The following ESR1 variants were observed in gnomAD, a reference collection of about 807,000 sequenced individuals.
ESR1 encodes the protein estrogen receptor.
ESR1 carries 12 observed loss-of-function variants against 52.7 expected under a neutral mutation model. The observed-to-expected ratio is 0.23, with a 90% confidence interval of 0.15 to 0.37. The LOEUF (loss-of-function observed/expected upper bound fraction) is 0.37. Ranked by LOEUF, ESR1 falls within the 10% of genes least tolerant of loss-of-function variation. ESR1 has a pLI of 1.00. For synonymous variants in ESR1, 305 were observed against 316.8 expected, an observed-to-expected ratio of 0.96 and a Z score of 0.39; for missense variants, 584 against 779.7, an observed-to-expected ratio of 0.75 and a Z score of 2.99.
At chr6:151,851,530 G>GT (rs11386586) in intron 2 of ESR1, among the ~76,000 whole-genome samples, 126,264 of 142,406 alleles carry the variant, frequency 0.89, 56,687 homozygotes, top group Middle Eastern at 0.97. Flanking sequence ...TGATGAAGGA[G>GT]TTTTTTTTTT....
At chr6:151,705,119 A>G (rs182063174) in intron 2 of ESR1, among the ~76,000 whole-genome samples, 31 of 152,224 alleles carry the variant, frequency 2.0e-4, no homozygotes, top group Admixed American at 1.2e-3. Context: ...TCATCATAAG[A>G]GCACATTTTT....
At chr6:151,994,854 G>A (rs962202052) in intron 4 of ESR1, among the ~76,000 whole-genome samples, 10 of 152,124 alleles carry the variant, frequency 6.6e-5, no homozygotes, top group African/African-American at 2.4e-4. Context: ...TGTGCTTAGG[G>A]TATTTTCATT....
chr6:151,758,772 A>AAAT (rs1290677564), intron 2 of ESR1, among the ~76,000 whole-genome samples: 1 of 151,224 alleles, frequency 6.6e-6, no homozygotes, highest in African/African-American at 2.4e-5. Context: ...AAAAAAAAAA[A>AAAT]AAAAAGAAGA....
At chr6:151,753,551 CA>C (rs980100724) in intron 2 of ESR1, among the ~76,000 whole-genome samples, 1 of 152,090 alleles carries the variant, frequency 6.6e-6, no homozygotes, top group African/African-American at 2.4e-5. Flanking sequence ...CTCCTGGCCT[CA>C]AGTGATCCAC....
At chr6:151,968,542 C>T (rs1235760868) in intron 4 of ESR1, among the ~76,000 whole-genome samples, 1 of 152,084 alleles carries the variant, frequency 6.6e-6, no homozygotes, top group African/African-American at 2.4e-5. Flanking sequence ...TGGCTAATAT[C>T]CAGAATGATC....
At chr6:152,025,417 G>A (rs910877930) in intron 5 of ESR1, among the ~76,000 whole-genome samples, 1 of 151,838 alleles carries the variant, frequency 6.6e-6, no homozygotes, top group African/African-American at 2.4e-5. Context: ...TATTTCTTCT[G>A]TAGTAATTGG....
intron 2 of ESR1, among the ~76,000 whole-genome samples, chr6:151,845,295 G>C (rs1763662331): frequency 6.6e-6 from 1 of 152,164 alleles, no homozygotes; most frequent in Non-Finnish European, 1.5e-5. Flanking sequence ...ATCTCAGCTG[G>C]CGTGGTGGCT....
At chr6:152,012,683 G>A (rs2042876043) in intron 5 of ESR1, among the ~76,000 whole-genome samples, 1 of 152,194 alleles carries the variant, frequency 6.6e-6, no homozygotes, top group Admixed American at 6.5e-5. Flanking sequence ...CTCATGTTCA[G>A]TGATGCCTCC....
intron 6 of ESR1, among the ~76,000 whole-genome samples, chr6:152,110,681 A>C (rs1326278009): frequency 6.6e-6 from 1 of 152,228 alleles, no homozygotes; most frequent in African/African-American, 2.4e-5. Context: ...ACCCAAAATA[A>C]AAGTTTTTTT....
chr6:151,748,399 G>T (rs1285340315), intron 2 of ESR1, among the ~76,000 whole-genome samples: 2 of 152,112 alleles, frequency 1.3e-5, no homozygotes, highest in Non-Finnish European at 2.9e-5. Flanking sequence ...AAGAGCAATT[G>T]CTATAGAACA....
intron 6 of ESR1, among the ~76,000 whole-genome samples, chr6:152,110,003 G>T (rs768431775): frequency 1.1e-4 from 17 of 152,102 alleles, no homozygotes; most frequent in African/African-American, 3.1e-4. Flanking sequence ...CAAAAGCTAC[G>T]TACCAGTTTT....
At chr6:152,051,833 T>A (rs976550110) in intron 5 of ESR1, among the ~76,000 whole-genome samples, 1 of 152,320 alleles carries the variant, frequency 6.6e-6, no homozygotes, top group Non-Finnish European at 1.5e-5. Context: ...TTAAATTTTA[T>A]GTTTTAAAAA....
intron 2 of ESR1, among the ~76,000 whole-genome samples, chr6:151,779,945 G>A (rs1328880184): frequency 6.7e-6 from 1 of 149,460 alleles, no homozygotes; most frequent in African/African-American, 2.5e-5. Flanking sequence ...TATACACCAT[G>A]GAATACTATG....
intron 2 of ESR1, among the ~76,000 whole-genome samples, chr6:151,720,903 A>T (rs534834233): frequency 6.6e-6 from 1 of 152,326 alleles, no homozygotes; most frequent in East Asian, 1.9e-4. Context: ...GTTACTTTAT[A>T]AAGGTAATTA....
At position 151,731,957 on chromosome 6, in the gene ESR1, C is replaced by T. The variant is rs78329433; in HGVS notation, c.-71+29952C>T. Among the ~76,000 whole-genome samples, 1,028 of 152,168 alleles carry T rather than the reference C, an allele frequency of 6.8e-3. 10 individuals carry two copies. Among genetic ancestry groups the T allele is most frequent in the African/African-American group, 0.023 (969 of 41,514 alleles). The stretch of plus-strand genomic sequence containing the variant: ...CCACTGTGAAGTAGAAGACAAGAAA[C>T]AGAGCAGGACGTGGAATTGGGAGCA... On this transcript the variant is annotated intron_variant, in intron 2 of 2. Transcript: ENST00000404742.
At chr6:151,958,995 CGT>C (rs2037340711) in intron 4 of ESR1, among the ~76,000 whole-genome samples, 1 of 104,834 alleles carries the variant, frequency 9.5e-6, no homozygotes, top group Non-Finnish European at 1.8e-5. Context: ...TGTGTGTGTG[CGT>C]GTGTGTGTTT....
At chr6:151,860,675 C>T (rs1441895993) in intron 2 of ESR1, among the ~76,000 whole-genome samples, 1 of 152,172 alleles carries the variant, frequency 6.6e-6, no homozygotes, top group African/African-American at 2.4e-5. Flanking sequence ...GTGAAACAAG[C>T]TGGACACAAA....
chr6:151,707,143 C>T (rs947686801), intron 2 of ESR1, among the ~76,000 whole-genome samples: 12 of 152,150 alleles, frequency 7.9e-5, no homozygotes, highest in African/African-American at 2.9e-4. Context: ...AAAATGAAAT[C>T]ATTATCTTTC....
chr6:151,945,898 G>C (rs1409149958), intron 4 of ESR1, among the ~76,000 whole-genome samples: 1 of 152,156 alleles, frequency 6.6e-6, no homozygotes, highest in African/African-American at 2.4e-5. Context: ...CCTTGTTAGA[G>C]GCCACCATTT....
Sources: allele counts gnomAD v4.1 joint callset (sites outside exome capture counted in the v4.1 genomes callset), GRCh38; gene constraint gnomAD v4.1.1; transcripts MANE v1.5; gene names NCBI Gene and HGNC (gene_info 2026-07-23, HGNC 2026-07-21).